SHANK2: variants seen among roughly 807,000 people sequenced by gnomAD.
The protein encoded by SHANK2 is SH3 and multiple ankyrin repeat domains protein 2.
SHANK2 carries 43 observed loss-of-function variants against 133.7 expected under a neutral mutation model. The observed-to-expected ratio is 0.32, with a 90% confidence interval of 0.25 to 0.41. The LOEUF (loss-of-function observed/expected upper bound fraction) is 0.41. SHANK2 is among the 10% of genes least tolerant of loss of function. The pLI, the probability that SHANK2 is intolerant of heterozygous loss-of-function variation, is 1.00. For synonymous variants in SHANK2, 1,017 were observed against 952.8 expected, an observed-to-expected ratio of 1.07 and a Z score of -1.24; for missense variants, 1,994 against 2,235.8, an observed-to-expected ratio of 0.89 and a Z score of 2.18.
chr11:70,831,032 T>C (rs1948717038), intron 11 of SHANK2, among the ~76,000 whole-genome samples: 1 of 152,228 alleles, frequency 6.6e-6, no homozygotes, highest in Non-Finnish European at 1.5e-5. Context: ...GATGAGGTTT[T>C]ATTTCAAATG....
intron 17 of SHANK2, among the ~76,000 whole-genome samples, chr11:70,591,100 G>A (rs895704881): frequency 6.6e-6 from 1 of 152,232 alleles, no homozygotes. Context: ...CCAGCACTTT[G>A]GGAGGCCGAG....
chr11:70,952,723 T>G, intron 10 of SHANK2: 1 of 418,028 alleles, frequency 2.4e-6, no homozygotes, highest in South Asian at 1.8e-5. Context: ...GGGACGCAGA[T>G]GGCAGGGCGG....
chr11:70,869,292 C>T (rs1401593829), intron 11 of SHANK2, among the ~76,000 whole-genome samples: 3 of 152,210 alleles, frequency 2.0e-5, no homozygotes, highest in Non-Finnish European at 4.4e-5. Flanking sequence ...CAAACTCATA[C>T]ACCATAGATC....
chr11:71,084,739 C>T (rs951372052), intron 8 of SHANK2, among the ~76,000 whole-genome samples: 2 of 152,330 alleles, frequency 1.3e-5, no homozygotes, highest in Admixed American at 1.3e-4. Context: ...ACCCTACAGG[C>T]AGCATAGAGA....
chr11:71,236,671 G>A (rs1954829353), intron 1 of SHANK2, among the ~76,000 whole-genome samples: 1 of 152,230 alleles, frequency 6.6e-6, no homozygotes, highest in South Asian at 2.1e-4. Flanking sequence ...GCCCAGGCCT[G>A]TTTTTATAAG....
At position 70,721,598 on chromosome 11, in the gene SHANK2, G is replaced by A. The variant is rs117484303; in HGVS notation, c.1778-22835C>T. Among the ~76,000 whole-genome samples the A allele has an allele frequency of 2.0e-5, 3 of 152,326 alleles. No homozygotes were observed. In the East Asian group the frequency reaches 5.8e-4, roughly 30 times the overall value. ...TGTGAGCAGCGTTCTTACTGAGGCA[G>A]TTCTGCCCCCAGGGTGTGGTCTGGA... On this transcript the variant is annotated intron_variant, in intron 14 of 25. Coordinates refer to ENST00000601538, the MANE Select transcript of SHANK2 (RefSeq NM_012309.5).
At chr11:70,758,165 AG>A in intron 14 of SHANK2, among the ~76,000 whole-genome samples, 1 of 152,366 alleles carries the variant, frequency 6.6e-6, no homozygotes, top group African/African-American at 2.4e-5. Context: ...ATTGCCTGAA[AG>A]CACGGGGGAG....
chr11:70,803,194 T>C (rs1446698942), intron 13 of SHANK2, among the ~76,000 whole-genome samples: 1 of 151,094 alleles, frequency 6.6e-6, no homozygotes, highest in Non-Finnish European at 1.5e-5. Flanking sequence ...GAAAACTCTG[T>C]CATTCTTTCA....
chr11:70,552,227 C>A (rs1893121), intron 17 of SHANK2, among the ~76,000 whole-genome samples: 1 of 151,918 alleles, frequency 6.6e-6, no homozygotes, highest in Admixed American at 6.5e-5. Context: ...GCCAGGCTGC[C>A]TGCGAACAAA....
At chr11:70,615,718 C>T (rs782206849) in intron 17 of SHANK2, among the ~76,000 whole-genome samples, 45 of 152,190 alleles carry the variant, frequency 3.0e-4, no homozygotes, top group Admixed American at 7.2e-4. Context: ...GTAAGCGGCG[C>T]GTGGTGAACC....
At chr11:70,755,961 A>C (rs1483365376) in intron 14 of SHANK2, among the ~76,000 whole-genome samples, 2 of 152,140 alleles carry the variant, frequency 1.3e-5, no homozygotes, top group Admixed American at 6.5e-5. Context: ...GCCTGTGCAG[A>C]AAGCCAAGCC....
intron 17 of SHANK2, among the ~76,000 whole-genome samples, chr11:70,537,145 CG>C (rs1419539811): frequency 2.0e-5 from 3 of 152,126 alleles, no homozygotes; most frequent in Non-Finnish European, 2.9e-5. Context: ...GTTCCCTGAG[CG>C]CCCCCCTCTC....
At chr11:71,106,509 C>T (rs1437043401) in intron 6 of SHANK2, among the ~76,000 whole-genome samples, 9 of 152,198 alleles carry the variant, frequency 5.9e-5, no homozygotes, top group African/African-American at 2.2e-4. Context: ...TAAGGTAACT[C>T]TGTGCTACTG....
rs1261867986 is a variant in SHANK2 at position 70,904,298 on chromosome 11, G to A, written c.1108-7731C>T. ...AGGTGCAGGCAGGCTGGGGGCTGGTGAGCACAGCAGGTAAAGCTACATGCT... is the reference window on the plus strand; with the variant it reads ...AGGTGCAGGCAGGCTGGGGGCTGGTAAGCACAGCAGGTAAAGCTACATGCT... On this transcript the variant is annotated intron_variant, in intron 10 of 25. Coordinates refer to ENST00000601538, the MANE Select transcript of SHANK2 (RefSeq NM_012309.5). Among the ~76,000 whole-genome samples, 3 of 152,098 alleles carry A rather than the reference G, an allele frequency of 2.0e-5. No individual in the cohort carries two copies. In the East Asian group the frequency reaches 5.8e-4, roughly 29 times the overall value.
At chr11:70,907,938 C>T (rs1555078270) in intron 10 of SHANK2, 2 of 450,056 alleles carry the variant, frequency 4.4e-6, no homozygotes, top group Non-Finnish European at 9.0e-6. Context: ...CCATCTCCAC[C>T]AAAAATACAA....
At chr11:70,923,871 C>T (rs550000002) in intron 10 of SHANK2, among the ~76,000 whole-genome samples, 2 of 152,242 alleles carry the variant, frequency 1.3e-5, no homozygotes, top group East Asian at 3.9e-4. Flanking sequence ...ATGTCTTAAC[C>T]CTGATTAGCC....
chr11:70,796,343 C>T (rs1428433971), intron 14 of SHANK2, among the ~76,000 whole-genome samples: 1 of 152,212 alleles, frequency 6.6e-6, no homozygotes, highest in Non-Finnish European at 1.5e-5. Context: ...AAATGATCCC[C>T]CTACGCAGCA....
chr11:71,168,597 C>A (rs550636977), intron 2 of SHANK2, among the ~76,000 whole-genome samples: 1 of 152,256 alleles, frequency 6.6e-6, no homozygotes, highest in South Asian at 2.1e-4. Flanking sequence ...CCGAGGCTGG[C>A]GGATCACTCG....
Position 70,661,596 on chromosome 11 carries a change from C to T in SHANK2, c.1936G>A (p.Ala646Thr), listed in dbSNP as rs2061492433. The stretch of plus-strand genomic sequence containing the variant: ...TCAGGCTCAGAGCGGCTGCTCTTAC[C>T]TTTGGCCCCTCGAAGCACGAATCCA... ...GFGFVLRGAK[A>T]DTPIEEFTPT... The change falls in exon 16 of 26, where the codon GCT (alanine) becomes ACT (threonine). Residue 646 changes from alanine to threonine, a missense_variant and splice_region_variant. Ala to Thr is a moderately conservative substitution (Grantham distance 58). Coordinates refer to ENST00000601538, the MANE Select transcript of SHANK2 (RefSeq NM_012309.5). 1 of 1,612,624 alleles carries T rather than the reference C, an allele frequency of 6.2e-7. No homozygotes were observed. Among genetic ancestry groups the T allele is most frequent in the Admixed American group, 1.7e-5 (1 of 59,892 alleles).
Sources: gnomAD v4.1 joint callset for allele counts (sites outside exome capture counted in the v4.1 genomes callset) on GRCh38, gnomAD v4.1.1 for gene constraint, MANE v1.5 for transcripts, NCBI Gene and HGNC (gene_info 2026-07-23, HGNC 2026-07-21) for gene names.